SETBP1: variants seen among roughly 807,000 people sequenced by gnomAD.
The protein encoded by SETBP1 is SET-binding protein.
Under a neutral mutation model 101.0 loss-of-function variants are expected in SETBP1, and 9 were observed. That is an observed-to-expected ratio of 0.09 (90% CI 0.05 to 0.16). The LOEUF is 0.16. Among genes scored for constraint, SETBP1 ranks in the 10% least tolerant of loss-of-function variants. The pLI is 1.00. For missense variants in SETBP1, 1,858 were observed against 2,033.8 expected (o/e 0.91, Z 1.66); for synonymous variants, 818 against 788.5 (o/e 1.04, Z -0.63).
chr18:44,901,350 G>A (rs1239335391), intron 3 of SETBP1, among the ~76,000 whole-genome samples: 1 of 152,196 alleles, frequency 6.6e-6, no homozygotes, highest in Admixed American at 6.5e-5. Context: ...GAAAAATAAA[G>A]TCAGCAGGAG....
At chr18:44,805,596 T>C (rs2071713792) in intron 2 of SETBP1, among the ~76,000 whole-genome samples, 1 of 152,210 alleles carries the variant, frequency 6.6e-6, no homozygotes, top group Admixed American at 6.5e-5. Flanking sequence ...TGTTCTGTTG[T>C]CCTGGTAACT....
intron 3 of SETBP1, among the ~76,000 whole-genome samples, chr18:44,878,863 A>G (rs149829985): frequency 0.026 from 3,994 of 152,304 alleles, 77 homozygotes; most frequent in Middle Eastern, 0.071. Context: ...ATAGTGGAAC[A>G]GCTTGCAGCT....
intron 2 of SETBP1, among the ~76,000 whole-genome samples, chr18:44,832,421 CT>C (rs2072393903): frequency 6.6e-6 from 1 of 152,216 alleles, no homozygotes; most frequent in Non-Finnish European, 1.5e-5. Flanking sequence ...GCTGATGCCC[CT>C]GGCTCTCTGA....
chr18:44,901,979 T>C (rs1326474474), intron 3 of SETBP1, among the ~76,000 whole-genome samples: 1 of 152,218 alleles, frequency 6.6e-6, no homozygotes, highest in African/African-American at 2.4e-5. Flanking sequence ...TTATTCTGCC[T>C]ATCTAGGCTC....
intron 4 of SETBP1, among the ~76,000 whole-genome samples, chr18:44,972,599 G>T (rs2071891523): frequency 6.6e-6 from 1 of 152,174 alleles, no homozygotes; most frequent in Non-Finnish European, 1.5e-5. Flanking sequence ...CACATCCCTT[G>T]TAAGTTGGAT....
At chr18:44,957,131 G>A (rs910949035) in intron 4 of SETBP1, among the ~76,000 whole-genome samples, 1 of 152,098 alleles carries the variant, frequency 6.6e-6, no homozygotes, top group African/African-American at 2.4e-5. Flanking sequence ...CTGTCGGCAG[G>A]CATTGCCTTC....
chr18:44,928,085 C>T (rs1322148646), intron 3 of SETBP1, among the ~76,000 whole-genome samples: 1 of 152,098 alleles, frequency 6.6e-6, no homozygotes, highest in Non-Finnish European at 1.5e-5. Context: ...CACGCCTCAC[C>T]CCACCCCACG....
intron 4 of SETBP1, among the ~76,000 whole-genome samples, chr18:44,968,213 T>A (rs941754882): frequency 6.6e-6 from 1 of 152,108 alleles, no homozygotes; most frequent in Non-Finnish European, 1.5e-5. Context: ...ATATGTATAG[T>A]GTTCTTTGAG....
chr18:44,954,430 C>T (rs1011871829), intron 4 of SETBP1, among the ~76,000 whole-genome samples: 1 of 151,318 alleles, frequency 6.6e-6, no homozygotes, highest in East Asian at 1.9e-4. Flanking sequence ...ACCAATCATC[C>T]ATGTTTAAGG....
chr18:45,063,111 C>T lies in SETBP1; in HGVS notation c.4204C>T (p.Arg1402Trp), dbSNP rs761262114. 195 of 1,613,846 alleles carry T rather than the reference C, an allele frequency of 1.2e-4. No individual in the cohort carries two copies. The highest frequency in any genetic ancestry group is 1.6e-4 in the Non-Finnish European group (189 of 1,180,014). The change falls in exon 6 of 6, where the codon CGG (arginine) becomes TGG (tryptophan). Residue 1402 changes from arginine to tryptophan, a missense_variant. Physicochemically the swap from Arg to Trp is moderately radical, Grantham distance 101. Transcript: ENST00000649279. ...GSSLKKRFKR[R>W]EIEAIQCEVR... Reference sequence around the variant, plus strand: ...CTCCCTGAAGAAGAGGTTCAAGCGGCGGGAGATCGAAGCCATCCAGTGCGA... The same window carrying T: ...CTCCCTGAAGAAGAGGTTCAAGCGGTGGGAGATCGAAGCCATCCAGTGCGA...
At chr18:44,992,699 A>G (rs1417422870) in intron 4 of SETBP1, among the ~76,000 whole-genome samples, 1 of 152,080 alleles carries the variant, frequency 6.6e-6, no homozygotes, top group Non-Finnish European at 1.5e-5. Context: ...TTAAATAAAT[A>G]GAATCAATAG....
intron 2 of SETBP1, among the ~76,000 whole-genome samples, chr18:44,780,616 T>C (rs192555783): frequency 1.3e-4 from 20 of 152,356 alleles, no homozygotes; most frequent in African/African-American, 4.6e-4. Context: ...GTTTATCCAG[T>C]CAATCAACAA....
intron 5 of SETBP1, among the ~76,000 whole-genome samples, chr18:45,057,496 T>C (rs2073828728): frequency 6.6e-6 from 1 of 152,188 alleles, no homozygotes; most frequent in Non-Finnish European, 1.5e-5. Flanking sequence ...AATGGGCCTG[T>C]GCTGGGAACT....
At chr18:44,825,101 C>A (rs1330268843) in intron 2 of SETBP1, among the ~76,000 whole-genome samples, 2 of 152,226 alleles carry the variant, frequency 1.3e-5, no homozygotes, top group Non-Finnish European at 2.9e-5. Context: ...CACCTGGGGG[C>A]ATTAAGGTTA....
intron 4 of SETBP1, among the ~76,000 whole-genome samples, chr18:44,963,347 G>T (rs1007525447): frequency 2.0e-5 from 3 of 152,102 alleles, no homozygotes; most frequent in Non-Finnish European, 4.4e-5. Flanking sequence ...TGGAACTGGG[G>T]TTAGCCAAGC....
chr18:44,726,151 C>G (rs1336294450), intron 2 of SETBP1, among the ~76,000 whole-genome samples: 1 of 152,154 alleles, frequency 6.6e-6, no homozygotes, highest in Non-Finnish European at 1.5e-5. Context: ...CTTCATGAAA[C>G]CCTTACATAA....
chr18:44,943,386 C>G (rs530343840), intron 3 of SETBP1, among the ~76,000 whole-genome samples: 16 of 152,140 alleles, frequency 1.1e-4, no homozygotes, highest in Non-Finnish European at 2.4e-4. Context: ...AATCCTAGGA[C>G]TTTGTGAAAC....
intron 2 of SETBP1, among the ~76,000 whole-genome samples, chr18:44,773,885 C>G (rs1321110937): frequency 4.7e-5 from 2 of 42,882 alleles, no homozygotes; most frequent in Non-Finnish European, 1.1e-4. Flanking sequence ...TCTTCCCCCT[C>G]TCTGACTGTA....
rs118133920 is a variant in SETBP1 at position 44,904,658 on chromosome 18, G to A, written c.540+35375G>A. ...AAAAAGACCTGGTCATCTGTGGTTAGGGTAGGCTAGACTGACTTAACAACT... is the reference window on the plus strand; with the variant it reads ...AAAAAGACCTGGTCATCTGTGGTTAAGGTAGGCTAGACTGACTTAACAACT... On this transcript the variant is annotated intron_variant, in intron 3 of 5. Coordinates refer to ENST00000649279, the MANE Select transcript of SETBP1 (RefSeq NM_015559.3). Among the ~76,000 whole-genome samples, 19 of 152,272 alleles carry A rather than the reference G, an allele frequency of 1.2e-4. No individual in the cohort carries two copies. The East Asian group carries it at 3.7e-3, about 29-fold the overall frequency.
Sources: allele counts gnomAD v4.1 joint callset (sites outside exome capture counted in the v4.1 genomes callset), GRCh38; gene constraint gnomAD v4.1.1; transcripts MANE v1.5; gene names NCBI Gene and HGNC (gene_info 2026-07-23, HGNC 2026-07-21).